SLC24A3: variants seen among roughly 807,000 people sequenced by gnomAD.
The protein encoded by SLC24A3 is sodium/potassium/calcium exchanger 3.
A neutral mutation model predicts 75.8 loss-of-function variants in SLC24A3; 28 were observed. The observed-to-expected ratio is 0.37, with a 90% CI of 0.27 to 0.51. The LOEUF (loss-of-function observed/expected upper bound fraction) is 0.51, where lower values mean the gene tolerates loss of function less well. SLC24A3 is among the 20% of genes least tolerant of loss of function. The pLI is 0.94. For missense variants in SLC24A3, 663 were observed against 847.8 expected, an observed-to-expected ratio of 0.78 and a Z score of 2.71; for synonymous variants, 372 against 334.1, an observed-to-expected ratio of 1.11 and a Z score of -1.24.
chr20:19,663,606 A>T (rs2032364485), intron 7 of SLC24A3, among the ~76,000 whole-genome samples: 1 of 151,022 alleles, frequency 6.6e-6, no homozygotes, highest in African/African-American at 2.4e-5. Context: ...TCCATTAGTT[A>T]GTACTTGTAG....
At chr20:19,222,206 A>G (rs2122133465) in intron 1 of SLC24A3, among the ~76,000 whole-genome samples, 1 of 152,200 alleles carries the variant, frequency 6.6e-6, no homozygotes, top group Admixed American at 6.5e-5. Context: ...ATCATCTCCC[A>G]TATCCCTAAG....
At chr20:19,580,136 C>A in intron 4 of SLC24A3, 62 bp downstream of exon 4, 2 of 1,424,162 alleles carry the variant, frequency 1.4e-6, no homozygotes, top group Admixed American at 1.8e-5. Flanking sequence ...GTGCCCTGTA[C>A]TGTTCCAGCC....
rs538151333 is a variant in SLC24A3, at chr20:19,351,720, T to G, written c.271+70633T>G. On this transcript the variant is annotated intron_variant, in intron 2 of 16. Transcript: ENST00000328041. ...GAACACTCCCCAAGGCTTCATGCACTTCACCTCAGTTTCCACCAGGTGGTT... is the reference window on the plus strand; with the variant it reads ...GAACACTCCCCAAGGCTTCATGCACGTCACCTCAGTTTCCACCAGGTGGTT... Among the ~76,000 whole-genome samples the G allele has an allele frequency of 3.9e-4, 59 of 152,264 alleles. No homozygotes were observed. The South Asian group carries it at 0.012, about 32-fold the overall frequency.
In SLC24A3 at chr20:19,369,248, C is replaced by T. The variant is rs1985949304; in HGVS notation, c.271+88161C>T. ...CAGTTAGCGTCACCAGTGAAGGCAC[C>T]TGCATTCTGCCTCCTGATGAAGGGC... On this transcript the variant is annotated intron_variant, in intron 2 of 16. Coordinates refer to ENST00000328041, the MANE Select transcript of SLC24A3 (RefSeq NM_020689.4). 2.0e-5 allele frequency among the ~76,000 whole-genome samples: 3 copies of T among 152,220 alleles called. No individual in the cohort carries two copies. In the South Asian group the frequency reaches 6.2e-4, roughly 32 times the overall value.
At chr20:19,510,643 A>G (rs78165786) in intron 2 of SLC24A3, among the ~76,000 whole-genome samples, 2,814 of 152,296 alleles carry the variant, frequency 0.018, 80 homozygotes, top group African/African-American at 0.064. Context: ...CATGAGATTA[A>G]TGTCCAAATA....
At chr20:19,528,284 T>G (rs894768531) in intron 3 of SLC24A3, among the ~76,000 whole-genome samples, 2 of 152,146 alleles carry the variant, frequency 1.3e-5, no homozygotes, top group African/African-American at 4.8e-5. Flanking sequence ...TCAGGGGACA[T>G]TTGTAATAAA....
At chr20:19,410,626 A>G (rs1239207196) in intron 2 of SLC24A3, among the ~76,000 whole-genome samples, 1 of 152,202 alleles carries the variant, frequency 6.6e-6, no homozygotes, top group Non-Finnish European at 1.5e-5. Flanking sequence ...TCTGGATTCC[A>G]AAAAGCCGAA....
intron 2 of SLC24A3, among the ~76,000 whole-genome samples, chr20:19,437,474 C>T (rs1488444782): frequency 1.3e-5 from 2 of 152,190 alleles, no homozygotes; most frequent in African/African-American, 4.8e-5. Flanking sequence ...TTATAAATTA[C>T]CCAGTCCTGC....
At chr20:19,561,660 G>A (rs2030876911) in intron 3 of SLC24A3, among the ~76,000 whole-genome samples, 1 of 152,080 alleles carries the variant, frequency 6.6e-6, no homozygotes, top group Non-Finnish European at 1.5e-5. Context: ...ATGACCCCCA[G>A]CAACAATAAA....
chr20:19,232,682 G>A (rs764202373), intron 1 of SLC24A3, among the ~76,000 whole-genome samples: 2 of 152,220 alleles, frequency 1.3e-5, no homozygotes, highest in African/African-American at 4.8e-5. Context: ...GAGTTAGAGA[G>A]CTTTTGCATA....
chr20:19,259,035 G>C (rs1392316965), intron 1 of SLC24A3, among the ~76,000 whole-genome samples: 1 of 152,188 alleles, frequency 6.6e-6, no homozygotes, highest in Non-Finnish European at 1.5e-5. Context: ...AAGTTTTCTA[G>C]TAATAGTGAT....
At position 19,721,657 on chromosome 20, in the gene SLC24A3, T is replaced by C. The variant is rs2033105833; in HGVS notation, c.*517T>C. 1 of 154,298 alleles carries C rather than the reference T, an allele frequency of 6.5e-6. No homozygotes were observed. Among genetic ancestry groups the C allele is most frequent in the Non-Finnish European group, 1.4e-5 (1 of 69,472 alleles). The allele number at this position is 154,298 out of a possible 1,614,324, so 9.6% of individuals were successfully genotyped here. ...TTTTCTTTTGGGGGCCTTCCCCTTT[T>C]ACTCCTTTTCTTCCAGAGATCAAGA... On this transcript the variant is annotated 3_prime_UTR_variant, in exon 17 of 17. Coordinates refer to ENST00000328041, the MANE Select transcript of SLC24A3 (RefSeq NM_020689.4).
intron 3 of SLC24A3, among the ~76,000 whole-genome samples, chr20:19,517,801 C>T (rs1232688261): frequency 6.6e-6 from 1 of 152,178 alleles, no homozygotes; most frequent in African/African-American, 2.4e-5. Context: ...GGAAGAGACC[C>T]AAGTGGGGCA....
chr20:19,604,344 G>A (rs1027974777), intron 6 of SLC24A3, among the ~76,000 whole-genome samples: 10 of 152,148 alleles, frequency 6.6e-5, no homozygotes, highest in Non-Finnish European at 1.3e-4. Flanking sequence ...GAGGAGCCAT[G>A]TGAAGACCTA....
intron 6 of SLC24A3, among the ~76,000 whole-genome samples, chr20:19,627,195 T>C (rs1432558655): frequency 1.3e-5 from 2 of 152,256 alleles, no homozygotes; most frequent in Non-Finnish European, 2.9e-5. Flanking sequence ...TATTCAAATA[T>C]GTGCCTACCC....
intron 12 of SLC24A3, among the ~76,000 whole-genome samples, chr20:19,690,902 T>C (rs1198979669): frequency 6.6e-6 from 1 of 152,232 alleles, no homozygotes; most frequent in Non-Finnish European, 1.5e-5. Context: ...TACTCTGTAC[T>C]TGTAAATTGG....
At chr20:19,571,413 G>A (rs2031049842) in intron 3 of SLC24A3, among the ~76,000 whole-genome samples, 1 of 152,090 alleles carries the variant, frequency 6.6e-6, no homozygotes, top group South Asian at 2.1e-4. Flanking sequence ...CAATATCTCA[G>A]CAAGTGGATA....
rs375163147 is a variant in SLC24A3 at position 19,681,966 on chromosome 20, C to T, written c.876C>T (p.Asp292=). The stretch of plus-strand genomic sequence containing the variant: ...AAATTGATGACAGCAGCAACTGCGA[C>T]GCAACTGTGGTGCTACTTAAGAAAG... ...NAEIDDSSNC[D]ATVVLLKKAN... The change falls in exon 10 of 17, where the codon GAC becomes GAT. Residue 292 remains aspartate, a synonymous_variant. Coordinates refer to ENST00000328041, the MANE Select transcript of SLC24A3 (RefSeq NM_020689.4). 4.8e-5 allele frequency: 77 copies of T among 1,614,008 alleles called. No homozygotes were observed. Among genetic ancestry groups the T allele is most frequent in the Middle Eastern group, 1.7e-4 (1 of 6,058 alleles).
At chr20:19,269,230 C>A (rs1337624955) in intron 1 of SLC24A3, among the ~76,000 whole-genome samples, 2 of 152,222 alleles carry the variant, frequency 1.3e-5, no homozygotes, top group Non-Finnish European at 2.9e-5. Flanking sequence ...TGGGACATTC[C>A]CATCACTGCA....
Sources: gnomAD v4.1 joint callset for allele counts (sites outside exome capture counted in the v4.1 genomes callset) on GRCh38, gnomAD v4.1.1 for gene constraint, MANE v1.5 for transcripts, NCBI Gene and HGNC (gene_info 2026-07-23, HGNC 2026-07-21) for gene names.